The following ARHGAP20 variants were observed in gnomAD, a reference collection of about 807,000 sequenced individuals.
ARHGAP20 encodes the protein rho GTPase-activating protein 20.
ARHGAP20 carries 34 observed loss-of-function variants against 73.7 expected under a neutral mutation model. That is an observed-to-expected ratio of 0.46 (90% CI 0.35 to 0.61). ARHGAP20 has a LOEUF of 0.61. Among genes scored for constraint, ARHGAP20 ranks in the 20% least tolerant of loss-of-function variants. The pLI is 0.00. For synonymous variants in ARHGAP20, 523 were observed against 518.2 expected, an observed-to-expected ratio of 1.01 and a Z score of -0.13; for missense variants, 1,314 against 1,420.9, an observed-to-expected ratio of 0.92 and a Z score of 1.21.
At chr11:110,651,039 C>G (rs1326920363) in intron 2 of ARHGAP20, among the ~76,000 whole-genome samples, 1 of 152,176 alleles carries the variant, frequency 6.6e-6, no homozygotes, top group Non-Finnish European at 1.5e-5. Flanking sequence ...ATAACAGTCT[C>G]TCAGACCACA....
At chr11:110,626,391 C>G (rs1001924321) in intron 3 of ARHGAP20, among the ~76,000 whole-genome samples, 1 of 152,162 alleles carries the variant, frequency 6.6e-6, no homozygotes. Context: ...AAAGTATAAA[C>G]AATGACTTCC....
intron 4 of ARHGAP20, among the ~76,000 whole-genome samples, chr11:110,621,484 T>C (rs1948629541): frequency 6.6e-6 from 1 of 152,092 alleles, no homozygotes; most frequent in Admixed American, 6.5e-5. Context: ...ATTACACAAT[T>C]TGTATTGATA....
At chr11:110,649,566 C>T (rs902811069) in intron 2 of ARHGAP20, among the ~76,000 whole-genome samples, 1 of 151,724 alleles carries the variant, frequency 6.6e-6, no homozygotes, top group African/African-American at 2.4e-5. Context: ...TCCAACGAGG[C>T]GGTGAGCTGG....
intron 2 of ARHGAP20, among the ~76,000 whole-genome samples, chr11:110,665,133 T>A (rs766231039): frequency 8.5e-5 from 13 of 152,226 alleles, no homozygotes; most frequent in African/African-American, 3.1e-4. Flanking sequence ...TAAAAAACAT[T>A]TTGAATGGGA....
chr11:110,691,369 A>T (rs532509065), intron 1 of ARHGAP20, among the ~76,000 whole-genome samples: 1 of 152,280 alleles, frequency 6.6e-6, no homozygotes, highest in African/African-American at 2.4e-5. Flanking sequence ...AACCATATAT[A>T]GTCACAAACA....
At chr11:110,699,519 T>C (rs1302422061) in intron 1 of ARHGAP20, among the ~76,000 whole-genome samples, 1 of 152,020 alleles carries the variant, frequency 6.6e-6, no homozygotes, top group Non-Finnish European at 1.5e-5. Flanking sequence ...CCCCCACTAT[T>C]ACTGTATTAC....
At chr11:110,590,841 G>T in intron 10 of ARHGAP20, 32 bp from the exon 11 acceptor site, 1 of 1,596,448 alleles carries the variant, frequency 6.3e-7, no homozygotes, top group East Asian at 2.2e-5. Context: ...TAAACAAAAT[G>T]ACACTTCCAC....
At chr11:110,699,582 T>C (rs1334114023) in intron 1 of ARHGAP20, among the ~76,000 whole-genome samples, 2 of 152,032 alleles carry the variant, frequency 1.3e-5, no homozygotes, top group Admixed American at 1.3e-4. Flanking sequence ...CTGGGTGTTC[T>C]GGTGTTAGGT....
At chr11:110,616,290 T>C (rs987413187) in intron 4 of ARHGAP20, among the ~76,000 whole-genome samples, 4 of 152,214 alleles carry the variant, frequency 2.6e-5, no homozygotes, top group Non-Finnish European at 4.4e-5. Flanking sequence ...GATTTCACTA[T>C]TACGTTTAAT....
chr11:110,585,049 A>C (rs932840556), intron 12 of ARHGAP20, among the ~76,000 whole-genome samples: 8 of 127,668 alleles, frequency 6.3e-5, no homozygotes, highest in African/African-American at 2.3e-4. Context: ...ATATATATGA[A>C]TATATGAATA....
intron 2 of ARHGAP20, among the ~76,000 whole-genome samples, chr11:110,689,068 G>A (rs1186307467): frequency 2.0e-5 from 3 of 148,046 alleles, no homozygotes; most frequent in South Asian, 2.1e-4. Flanking sequence ...GCACGATCTC[G>A]GCTCACTGCA....
At chr11:110,705,390 C>A (rs770470341) in intron 1 of ARHGAP20, among the ~76,000 whole-genome samples, 5 of 152,096 alleles carry the variant, frequency 3.3e-5, no homozygotes, top group Non-Finnish European at 7.4e-5. Context: ...TGCTTCATGA[C>A]AATCTTCACC....
chr11:110,686,699 T>C (rs67463906), intron 2 of ARHGAP20, among the ~76,000 whole-genome samples: 7,929 of 152,196 alleles, frequency 0.052, 247 homozygotes, highest in Middle Eastern at 0.099. Flanking sequence ...ATAGCTCTCA[T>C]GTTAAGTGTT....
rs908741001 is a variant in ARHGAP20, at chr11:110,592,236, T to G, written c.965-81A>C. ...CTATAACTTCCATTTTATGGTATGT[T>G]TGTTGCTATGGCTCAAAGAGAAAAA... On this transcript the variant is annotated intron_variant, in intron 9 of 14. Transcript: ENST00000683387. 3.0e-6 allele frequency: 4 copies of G among 1,346,922 alleles called. No homozygotes were observed. In the African/African-American group the frequency reaches 4.4e-5, roughly 15 times the overall value. The allele number at this position is 1,346,922 out of a possible 1,614,324, so 83.4% of individuals were successfully genotyped here.
chr11:110,580,053 CAG>C lies in ARHGAP20; in HGVS notation c.2891_2892del (p.Ser964CysfsTer6), dbSNP rs775075041. On this transcript the variant is annotated frameshift_variant, in exon 15 of 15. Transcript: ENST00000683387. LOFTEE classifies it low-confidence loss of function (END_TRUNC). ...DSAFSQISEH[S>X]VFTPTETSSP... The stretch of plus-strand genomic sequence containing the variant: ...GAGGAAGTCTCAGTGGGTGTAAACA[CAG>C]AGTGTTCAGAAATCTGAGAAAAAGC... 8 of 1,614,082 alleles carry C rather than the reference CAG, an allele frequency of 5.0e-6. No individual in the cohort carries two copies. The highest frequency in any genetic ancestry group is 4.5e-5 in the East Asian group (2 of 44,892).
chr11:110,672,414 T>G (rs1591163493), intron 2 of ARHGAP20, among the ~76,000 whole-genome samples: 1 of 152,152 alleles, frequency 6.6e-6, no homozygotes, highest in East Asian at 1.9e-4. Flanking sequence ...ATTATTTGTC[T>G]TCAAGAAAAT....
At chr11:110,672,469 G>A (rs1194813649) in intron 2 of ARHGAP20, among the ~76,000 whole-genome samples, 5 of 151,512 alleles carry the variant, frequency 3.3e-5, no homozygotes, top group African/African-American at 1.2e-4. Flanking sequence ...CCCACCAGAT[G>A]GCTAATTTTT....
intron 2 of ARHGAP20, among the ~76,000 whole-genome samples, chr11:110,643,801 G>A (rs760172612): frequency 5.3e-5 from 8 of 151,922 alleles, no homozygotes; most frequent in African/African-American, 1.4e-4. Context: ...GTTTAAATTC[G>A]GAATTTGTTA....
intron 9 of ARHGAP20, among the ~76,000 whole-genome samples, chr11:110,593,120 T>C (rs1389336975): frequency 6.6e-6 from 1 of 152,156 alleles, no homozygotes; most frequent in Non-Finnish European, 1.5e-5. Context: ...ATAGAGCATC[T>C]GGCATAGTGC....
Sources: allele counts gnomAD v4.1 joint callset (sites outside exome capture counted in the v4.1 genomes callset), GRCh38; gene constraint gnomAD v4.1.1; transcripts MANE v1.5; gene names NCBI Gene and HGNC (gene_info 2026-07-23, HGNC 2026-07-21).